PRKD3: variants seen among roughly 807,000 people sequenced by gnomAD.
PRKD3 encodes serine/threonine-protein kinase D3.
In PRKD3, 47 loss-of-function variants were observed where a neutral mutation model predicts 99.2. That is an observed-to-expected ratio of 0.47 (90% CI 0.38 to 0.60). The LOEUF is 0.60. Among genes scored for constraint, PRKD3 ranks in the 20% least tolerant of loss-of-function variants. PRKD3 has a pLI of 0.00. For synonymous variants in PRKD3, 392 were observed against 355.4 expected (o/e 1.10, Z -1.16); for missense variants, 1,019 against 1,088.4 (o/e 0.94, Z 0.90).
chr2:37,275,803 T>A lies in PRKD3; in HGVS notation c.1338A>T (p.Thr446=). The A allele has an allele frequency of 6.2e-7, 1 of 1,610,310 alleles. No homozygotes were observed. Among genetic ancestry groups the A allele is most frequent in the Non-Finnish European group, 8.5e-7 (1 of 1,178,278 alleles). Residue 446 remains threonine (T), a synonymous_variant, in exon 10 of 19, where the codon ACA becomes ACT. Coordinates refer to ENST00000234179, the MANE Select transcript of PRKD3 (RefSeq NM_005813.6). ...HYWRLDSKCL[T]LFQNESGSKY... Reference sequence around the variant, plus strand: ...TTGATCCAGATTCATTCTGAAATAATGTTAGACATTTGCTGTCAAGTCTCC... The same window carrying A: ...TTGATCCAGATTCATTCTGAAATAAAGTTAGACATTTGCTGTCAAGTCTCC...
intron 9 of PRKD3, 30 bp from the exon 10 acceptor site, chr2:37,275,874 G>T: frequency 6.3e-7 from 1 of 1,588,086 alleles, no homozygotes; most frequent in East Asian, 2.3e-5. Context: ...AAACTGTGAG[G>T]TTCAAAAATG....
Position 37,272,432 on chromosome 2 carries a change from T to C in PRKD3, c.1652A>G (p.Lys551Arg). The C allele has an allele frequency of 6.2e-7, 1 of 1,601,090 alleles. No homozygotes were observed. Among genetic ancestry groups the C allele is most frequent in the Non-Finnish European group, 8.5e-7 (1 of 1,176,332 alleles). Residue 551 changes from lysine (K) to arginine (R), a missense_variant and splice_region_variant, in exon 12 of 19, where the codon AAA (lysine) becomes AGA (arginine). This residue lies in a region of PRKD3 where 710 missense variants were observed against 692.7 expected (regional missense o/e 1.02). Transcript: ENST00000234179. ...CTSPGQGKDH[K>R]DLSTSISVSN... Reference sequence around the variant, plus strand: ...TACAGAGATACTTGTAGACAAATCTTCTGTAAAATATAAAAAAGACAAAAT... The same window carrying C: ...TACAGAGATACTTGTAGACAAATCTCCTGTAAAATATAAAAAAGACAAAAT...
At position 37,316,670 on chromosome 2, in the gene PRKD3, C is replaced by T. The variant is rs1671677188; in HGVS notation, c.-146G>A. 1 of 1,440,814 alleles carries T rather than the reference C, an allele frequency of 6.9e-7. No individual in the cohort carries two copies. Among genetic ancestry groups the T allele is most frequent in the Admixed American group, 2.9e-5 (1 of 35,044 alleles). The allele number at this position is 1,440,814 out of a possible 1,614,324, so 89.3% of individuals were successfully genotyped here. ...TATTTCCTCTGTTAAGCCACTCATG[C>T]CGATACTTTTAAGTTTTATCAAGGA... On this transcript the variant is annotated 5_prime_UTR_variant, in exon 2 of 19. Transcript: ENST00000234179.
Position 37,259,503 on chromosome 2 carries a change from C to T in PRKD3, c.2145+80G>A, listed in dbSNP as rs183962345. 1.8e-4 allele frequency: 201 copies of T among 1,106,804 alleles called. No individual in the cohort carries two copies. In the African/African-American group the frequency reaches 2.6e-3, roughly 14 times the overall value. 68.6% of individuals were successfully genotyped at this position (1,106,804 alleles called of 1,614,324 possible). A position where few individuals can be genotyped will look rare whatever the true frequency, so the allele number is the denominator to read the frequency against. On this transcript the variant is annotated intron_variant, in intron 16 of 18. Transcript: ENST00000234179. ...TGGTATGCATTTTTAACCAACAGTA[C>T]TTAGTACACTGCCTTTTATTATGTG...
At chr2:37,320,534 C>T (rs1421665671) in intron 1 of PRKD3, among the ~76,000 whole-genome samples, 3 of 144,848 alleles carry the variant, frequency 2.1e-5, no homozygotes, top group Non-Finnish European at 3.0e-5. Context: ...CGGGTTCAAG[C>T]GATTCTTGTG....
intron 13 of PRKD3, chr2:37,268,935 G>C (rs562420715): frequency 2.6e-5 from 4 of 153,028 alleles, no homozygotes; most frequent in African/African-American, 9.6e-5. Context: ...TTTTCTGAAA[G>C]ATTGACTCTA....
chr2:37,260,423 G>A (rs763769381), intron 14 of PRKD3, 39 bp from the exon 15 acceptor site: 7 of 1,552,504 alleles, frequency 4.5e-6, no homozygotes, highest in Non-Finnish European at 6.2e-6. Flanking sequence ...AACTTAAGCA[G>A]AGAAACAGTT....
intron 2 of PRKD3, among the ~76,000 whole-genome samples, chr2:37,300,209 T>C (rs1182866076): frequency 6.6e-6 from 1 of 152,164 alleles, no homozygotes; most frequent in African/African-American, 2.4e-5. Context: ...TGAAATCCTA[T>C]AATTTGCAAC....
At chr2:37,309,517 A>C (rs920426624) in intron 2 of PRKD3, among the ~76,000 whole-genome samples, 16 of 152,210 alleles carry the variant, frequency 1.1e-4, no homozygotes, top group African/African-American at 3.9e-4. Context: ...AAATTATAAG[A>C]TTCTTAAGTC....
intron 7 of PRKD3, among the ~76,000 whole-genome samples, chr2:37,281,491 G>A (rs1457091453): frequency 1.3e-5 from 2 of 152,026 alleles, no homozygotes; most frequent in South Asian, 2.1e-4. Flanking sequence ...TTTGGGATGG[G>A]TGCCCTTATA....
chr2:37,292,203 G>A (rs575046246), intron 3 of PRKD3, among the ~76,000 whole-genome samples: 2 of 152,188 alleles, frequency 1.3e-5, no homozygotes, highest in South Asian at 2.1e-4. Flanking sequence ...ACAGAAATGG[G>A]GGTGGGGGAA....
At position 37,316,215 on chromosome 2, in the gene PRKD3, CTGA is replaced by C; in HGVS notation, c.288+19_288+21del. ...ACATCAGTAACAATATTATTTACTA[CTGA>C]TAATAGCACACACAGTACCTTTTGA... On this transcript the variant is annotated intron_variant, in intron 2 of 18. Coordinates refer to ENST00000234179, the MANE Select transcript of PRKD3 (RefSeq NM_005813.6). 6 of 1,573,698 alleles carry C rather than the reference CTGA, an allele frequency of 3.8e-6. No individual in the cohort carries two copies. Among genetic ancestry groups the C allele is most frequent in the Non-Finnish European group, 5.2e-6 (6 of 1,147,122 alleles).
Position 37,279,761 on chromosome 2 carries a change from G to C in PRKD3, c.1157C>G (p.Ala386Gly). 2 of 1,612,606 alleles carry C rather than the reference G, an allele frequency of 1.2e-6. No homozygotes were observed. The highest frequency in any genetic ancestry group is 1.7e-6 in the Non-Finnish European group (2 of 1,179,498). The stretch of plus-strand genomic sequence containing the variant: ...TATATATTACCTGATTGTTTTAACG[G>C]CTTCTTCATCTCTTTCCACATCGAG... ...SDLDVERDEEAVKTISPSTSN... is the reference protein window; with the variant it reads ...SDLDVERDEEGVKTISPSTSN... Residue 386 changes from alanine (A) to glycine (G), a missense_variant, in exon 8 of 19, where the codon GCC (alanine) becomes GGC (glycine). This residue lies in a region of PRKD3 where 710 missense variants were observed against 692.7 expected (regional missense o/e 1.02). Transcript: ENST00000234179.
intron 2 of PRKD3, among the ~76,000 whole-genome samples, chr2:37,312,985 T>C (rs970434238): frequency 7.2e-5 from 11 of 152,170 alleles, no homozygotes; most frequent in Admixed American, 5.2e-4. Context: ...AAATAAAATA[T>C]AAAAATGACA....
intron 1 of PRKD3, chr2:37,324,167 G>C (rs1672009461): frequency 4.1e-6 from 4 of 985,112 alleles, no homozygotes; most frequent in Non-Finnish European, 4.8e-6. Flanking sequence ...TGGGGCGAGG[G>C]GCTTACATTC....
At chr2:37,302,916 C>T (rs1670999046) in intron 2 of PRKD3, among the ~76,000 whole-genome samples, 1 of 152,108 alleles carries the variant, frequency 6.6e-6, no homozygotes, top group African/African-American at 2.4e-5. Flanking sequence ...ACCCATTGCC[C>T]AAAGTGAGAA....
At chr2:37,261,059 T>C (rs550882178) in intron 14 of PRKD3, among the ~76,000 whole-genome samples, 69 of 152,368 alleles carry the variant, frequency 4.5e-4, no homozygotes, top group African/African-American at 1.7e-3. Flanking sequence ...AGTGGCTCTT[T>C]ATTTCTGGAC....
chr2:37,299,840 T>C (rs915881818), intron 2 of PRKD3, among the ~76,000 whole-genome samples: 2 of 151,996 alleles, frequency 1.3e-5, no homozygotes, highest in African/African-American at 2.4e-5. Context: ...CAATGAGATA[T>C]CATCTCATCT....
intron 11 of PRKD3, 21 bp from the exon 12 acceptor site, chr2:37,272,453 A>G: frequency 6.3e-7 from 1 of 1,592,972 alleles, no homozygotes; most frequent in Non-Finnish European, 8.5e-7. Flanking sequence ...TAAAAAAGAC[A>G]AAATTTAGTA....
Sources: allele counts gnomAD v4.1 joint callset (sites outside exome capture counted in the v4.1 genomes callset), GRCh38; gene constraint gnomAD v4.1.1; regional missense constraint gnomAD v4.1.1; transcripts MANE v1.5; gene names NCBI Gene and HGNC (gene_info 2026-07-23, HGNC 2026-07-21).